Variants in ERICH6B observed in about 807,000 individuals in gnomAD.
The protein encoded by ERICH6B is glutamate-rich protein 6B.
A neutral mutation model predicts 80.0 loss-of-function variants in ERICH6B; 69 were observed. That is an observed-to-expected ratio of 0.86 (90% CI 0.71 to 1.05). The LOEUF (loss-of-function observed/expected upper bound fraction) is 1.05. ERICH6B is among the 50% of genes least tolerant of loss of function. The pLI, the probability that ERICH6B is intolerant of heterozygous loss-of-function variation, is 0.00. For synonymous variants in ERICH6B, 283 were observed against 291.9 expected, an observed-to-expected ratio of 0.97 and a Z score of 0.31; for missense variants, 754 against 796.1, an observed-to-expected ratio of 0.95 and a Z score of 0.64.
In ERICH6B at chr13:45,549,901, A is replaced by ATT; in HGVS notation, c.1637_1638insAA (p.Ser546ArgfsTer6). On this transcript the variant is annotated frameshift_variant, in exon 13 of 15. Coordinates refer to ENST00000298738, the MANE Select transcript of ERICH6B (RefSeq NM_182542.3). LOFTEE classifies it high-confidence loss of function. ...TCATGACCCAAGCTTACCAGATATC[A>ATT]CTATTTTCATCATAGAAGGTAGCAT... 6.4e-7 allele frequency: 1 copy of ATT among 1,550,670 alleles called. No homozygotes were observed. The highest frequency in any genetic ancestry group is 8.7e-7 in the Non-Finnish European group (1 of 1,146,830).
chr13:45,585,411 T>C (rs1875858417), intron 5 of ERICH6B, among the ~76,000 whole-genome samples: 1 of 152,228 alleles, frequency 6.6e-6, no homozygotes, highest in African/African-American at 2.4e-5. Context: ...TGCGCCGTTC[T>C]GTTGGCCAGA....
At chr13:45,544,240 A>AT (rs1491210993) in intron 14 of ERICH6B, among the ~76,000 whole-genome samples, 2 of 151,158 alleles carry the variant, frequency 1.3e-5, no homozygotes, top group African/African-American at 4.9e-5. Flanking sequence ...GATCAGCTAA[A>AT]TTTTTTGTAT....
intron 2 of ERICH6B, among the ~76,000 whole-genome samples, chr13:45,600,752 G>A (rs886734295): frequency 1.3e-5 from 2 of 152,154 alleles, no homozygotes; most frequent in East Asian, 1.9e-4. Context: ...ATCCGTTGGT[G>A]GACACTTAGG....
intron 8 of ERICH6B, among the ~76,000 whole-genome samples, chr13:45,568,731 A>T (rs989016082): frequency 2.0e-5 from 3 of 152,232 alleles, no homozygotes; most frequent in Non-Finnish European, 4.4e-5. Flanking sequence ...TGAATTTAAA[A>T]GTTGAAGATA....
At chr13:45,543,769 G>A (rs1395256254) in intron 14 of ERICH6B, among the ~76,000 whole-genome samples, 1 of 152,142 alleles carries the variant, frequency 6.6e-6, no homozygotes, top group African/African-American at 2.4e-5. Flanking sequence ...AGCATTGGTC[G>A]TCTCCTGCCT....
At chr13:45,581,749 G>A (rs1448030096) in intron 5 of ERICH6B, among the ~76,000 whole-genome samples, 1 of 152,200 alleles carries the variant, frequency 6.6e-6, no homozygotes, top group Non-Finnish European at 1.5e-5. Context: ...ATTAGCTTAT[G>A]GGAGTGTCCT....
rs188814805 is a variant in ERICH6B, at chr13:45,569,218, C to T, written c.1051-767G>A. Among the ~76,000 whole-genome samples the T allele has an allele frequency of 3.0e-4, 45 of 152,246 alleles. 1 individual carries two copies. In the Middle Eastern group the frequency reaches 0.02, roughly 69 times the overall value. On this transcript the variant is annotated intron_variant, in intron 8 of 14. Coordinates refer to ENST00000298738, the MANE Select transcript of ERICH6B (RefSeq NM_182542.3). Reference sequence around the variant, plus strand: ...AGGGCTCACTGCAACCTCCGCCTCCCGGGTTCAAGTGATTCTCATGCCTCA... The same window carrying T: ...AGGGCTCACTGCAACCTCCGCCTCCTGGGTTCAAGTGATTCTCATGCCTCA...
chr13:45,584,053 C>T (rs115722122), intron 5 of ERICH6B, among the ~76,000 whole-genome samples: 301 of 152,304 alleles, frequency 2.0e-3, no homozygotes, highest in African/African-American at 7.0e-3. Context: ...CCTTTTATCA[C>T]CATGATCTGA....
chr13:45,609,761 T>G (rs937551738), intron 1 of ERICH6B, among the ~76,000 whole-genome samples: 4 of 152,268 alleles, frequency 2.6e-5, no homozygotes, highest in Non-Finnish European at 4.4e-5. Context: ...ACTGACATTT[T>G]TATGTAATCA....
chr13:45,587,181 C>T lies in ERICH6B; in HGVS notation c.738G>A (p.Leu246=). The change falls in exon 5 of 15, where the codon TTG becomes TTA. Residue 246 remains leucine (L), a synonymous_variant. Coordinates refer to ENST00000298738, the MANE Select transcript of ERICH6B (RefSeq NM_182542.3). Reference sequence around the variant, plus strand: ...AGACAGGAGAAGGGGTAGCGAAAGTCAACGGGACAGTCAAGAAGGTGGTCA... The same window carrying T: ...AGACAGGAGAAGGGGTAGCGAAAGTTAACGGGACAGTCAAGAAGGTGGTCA... ...SQVTTFLTVP[L]TFATPSPVSE... 1 of 1,551,648 alleles carries T rather than the reference C, an allele frequency of 6.4e-7. No homozygotes were observed.
chr13:45,561,638 T>C, intron 10 of ERICH6B, 112 bp from the exon 11 acceptor site: 1 of 1,230,482 alleles, frequency 8.1e-7, no homozygotes, highest in South Asian at 1.5e-5. Flanking sequence ...TTGGGAGATC[T>C]GCCATTTTTC....
At chr13:45,606,499 GTATGTGTATATATATATA>G (rs1263921584) in intron 2 of ERICH6B, among the ~76,000 whole-genome samples, 1,016 of 40,586 alleles carry the variant, frequency 0.025, 99 homozygotes, top group Middle Eastern at 0.036. Context: ...TCCCAAAAGT[GTATGTGTATATATATATA>G]TATATATATA....
chr13:45,558,952 G>T (rs1167809649), intron 11 of ERICH6B, among the ~76,000 whole-genome samples: 8 of 152,218 alleles, frequency 5.3e-5, no homozygotes, highest in Non-Finnish European at 1.2e-4. Context: ...TTCACAGAAT[G>T]ATTAAGGGAG....
chr13:45,576,077 T>C (rs984607273), intron 7 of ERICH6B, among the ~76,000 whole-genome samples: 2 of 152,080 alleles, frequency 1.3e-5, no homozygotes, highest in African/African-American at 4.8e-5. Context: ...AGATGGGATG[T>C]TCTTTGTGAT....
At chr13:45,587,720 G>A (rs577684021) in intron 4 of ERICH6B, among the ~76,000 whole-genome samples, 2 of 152,338 alleles carry the variant, frequency 1.3e-5, no homozygotes, top group South Asian at 4.1e-4. Flanking sequence ...TGAGGGCGGG[G>A]CACTGGGTGT....
chr13:45,593,266 G>A (rs1231128641), intron 3 of ERICH6B, among the ~76,000 whole-genome samples: 3 of 152,126 alleles, frequency 2.0e-5, no homozygotes, highest in Non-Finnish European at 4.4e-5. Flanking sequence ...CCGCTATAGG[G>A]TAGATGAGTG....
chr13:45,548,431 G>A (rs768557783), intron 13 of ERICH6B, among the ~76,000 whole-genome samples: 1 of 152,152 alleles, frequency 6.6e-6, no homozygotes, highest in African/African-American at 2.4e-5. Flanking sequence ...AATTCCCTCG[G>A]GGACTAAGCC....
At chr13:45,553,358 G>T (rs570701978) in intron 11 of ERICH6B, among the ~76,000 whole-genome samples, 3 of 152,022 alleles carry the variant, frequency 2.0e-5, no homozygotes, top group Non-Finnish European at 4.4e-5. Flanking sequence ...GTGGTCACTG[G>T]ATGGGCTCAA....
At chr13:45,580,762 G>A (rs1875622350) in intron 5 of ERICH6B, 97 bp from the exon 6 acceptor site, 2 of 1,257,018 alleles carry the variant, frequency 1.6e-6, no homozygotes, top group Admixed American at 4.2e-5. Context: ...TTCTTTCTTG[G>A]CACCCAAGGC....
Sources: allele counts gnomAD v4.1 joint callset (sites outside exome capture counted in the v4.1 genomes callset), GRCh38; gene constraint gnomAD v4.1.1; transcripts MANE v1.5; gene names NCBI Gene and HGNC (gene_info 2026-07-23, HGNC 2026-07-21).